The following ZNHIT6 variants were observed in gnomAD, a reference collection of about 807,000 sequenced individuals.
The protein encoded by ZNHIT6 is zinc finger HIT-type containing 6.
A neutral mutation model predicts 57.2 loss-of-function variants in ZNHIT6; 45 were observed. The observed-to-expected ratio is 0.79, with a 90% CI of 0.62 to 1.01. ZNHIT6 has a LOEUF of 1.01. Ranked by LOEUF, ZNHIT6 falls within the 50% of genes least tolerant of loss-of-function variation. ZNHIT6 has a pLI of 0.00. For missense variants in ZNHIT6, 528 were observed against 567.3 expected, an observed-to-expected ratio of 0.93 and a Z score of 0.70; for synonymous variants, 188 against 190.0, an observed-to-expected ratio of 0.99 and a Z score of 0.09.
At chr1:85,701,962 ACACG>A (rs948415155) in intron 5 of ZNHIT6, among the ~76,000 whole-genome samples, 191 bp downstream of exon 5, 15 of 130,240 alleles carry the variant, frequency 1.2e-4, no homozygotes, top group Admixed American at 2.3e-4. Context: ...ACACACACAC[ACACG>A]CACACACTGC....
At chr1:85,666,026 G>A (rs1661360354) in intron 8 of ZNHIT6, among the ~76,000 whole-genome samples, 1 of 152,174 alleles carries the variant, frequency 6.6e-6, no homozygotes, top group African/African-American at 2.4e-5. Context: ...ACTCAACTGT[G>A]TGCTTGTTCA....
At position 85,672,525 on chromosome 1, in the gene ZNHIT6, T is replaced by C. The variant is rs576221660; in HGVS notation, c.1247+4711A>G. On this transcript the variant is annotated intron_variant, in intron 8 of 9. Coordinates refer to ENST00000370574, the MANE Select transcript of ZNHIT6 (RefSeq NM_017953.4). ...TGTACCCTCTCCTAGTCATAGGCCA[T>C]TCACCTTTAATAAAAATCAAACATC... Among the ~76,000 whole-genome samples the C allele has an allele frequency of 5.0e-4, 76 of 152,292 alleles. 2 individuals carry two copies. The South Asian group carries it at 0.015, about 30-fold the overall frequency.
chr1:85,664,011 C>A (rs145575796), intron 8 of ZNHIT6, among the ~76,000 whole-genome samples: 1 of 152,250 alleles, frequency 6.6e-6, no homozygotes, highest in Non-Finnish European at 1.5e-5. Context: ...CTTGGAAAAT[C>A]TGACGATTAT....
chr1:85,654,082 G>T lies in ZNHIT6; in HGVS notation c.1389C>A (p.Thr463=). The T allele has an allele frequency of 6.2e-7, 1 of 1,611,796 alleles. No individual in the cohort carries two copies. ...KVLHQVKSES[T]KNVGNEN is the part of the protein sequence containing the mutation. ...CTCAATTTTCATTGCCAACGTTCTT[G>T]GTAGATTCACTCTTCACTAGAAAAA... Residue 463 remains threonine, a synonymous_variant, in exon 10 of 10, where the codon ACC becomes ACA. Coordinates refer to ENST00000370574, the MANE Select transcript of ZNHIT6 (RefSeq NM_017953.4).
chr1:85,682,178 A>T (rs1570311235), intron 5 of ZNHIT6, among the ~76,000 whole-genome samples: 2 of 130,186 alleles, frequency 1.5e-5, no homozygotes, highest in Admixed American at 7.9e-5. Context: ...CGCCCGGCTA[A>T]TTTTTTTTTT....
At chr1:85,705,425 AGGCT>A (rs1215030603) in intron 4 of ZNHIT6, among the ~76,000 whole-genome samples, 1 of 152,154 alleles carries the variant, frequency 6.6e-6, no homozygotes, top group Non-Finnish European at 1.5e-5. Context: ...CATGTTGCCC[AGGCT>A]GGTCTTGAAC....
chr1:85,672,622 A>G (rs1159794117), intron 8 of ZNHIT6, among the ~76,000 whole-genome samples: 1 of 152,166 alleles, frequency 6.6e-6, no homozygotes, highest in South Asian at 2.1e-4. Context: ...AGACTTAGAC[A>G]TAGGTTTCTT....
At chr1:85,698,788 C>T (rs1297096247) in intron 5 of ZNHIT6, among the ~76,000 whole-genome samples, 3 of 152,090 alleles carry the variant, frequency 2.0e-5, no homozygotes. Context: ...ATAAGGTAAA[C>T]ATTTATAGGT....
intron 5 of ZNHIT6, 94 bp downstream of exon 5, chr1:85,702,063 C>G: frequency 2.7e-6 from 2 of 748,666 alleles, no homozygotes; most frequent in Non-Finnish European, 4.4e-6. Flanking sequence ...TACAGAACCA[C>G]ACTTGGGGTA....
chr1:85,654,849 T>G (rs901297855), intron 9 of ZNHIT6, among the ~76,000 whole-genome samples: 3 of 152,198 alleles, frequency 2.0e-5, no homozygotes, highest in African/African-American at 7.2e-5. Flanking sequence ...AAATATAGGT[T>G]ATTTTGAGGC....
intron 5 of ZNHIT6, among the ~76,000 whole-genome samples, chr1:85,691,505 A>G (rs1387150105): frequency 1.3e-5 from 2 of 152,234 alleles, no homozygotes; most frequent in Non-Finnish European, 2.9e-5. Flanking sequence ...CCTCTGGCCA[A>G]TTGAGATATC....
intron 9 of ZNHIT6, among the ~76,000 whole-genome samples, chr1:85,657,434 A>G (rs971214040): frequency 1.3e-4 from 19 of 142,482 alleles, no homozygotes; most frequent in Non-Finnish European, 2.0e-4. Flanking sequence ...TTTTTTTTTA[A>G]CCATTCAACA....
At chr1:85,668,725 G>C (rs1217724360) in intron 8 of ZNHIT6, among the ~76,000 whole-genome samples, 2 of 152,062 alleles carry the variant, frequency 1.3e-5, no homozygotes, top group Non-Finnish European at 2.9e-5. Context: ...TCCATTTCTA[G>C]TTCAATTAGG....
rs1662743119 is a variant in ZNHIT6 at position 85,708,038 on chromosome 1, T to C, written c.247A>G (p.Ile83Val). 19 of 1,614,170 alleles carry C rather than the reference T, an allele frequency of 1.2e-5. No homozygotes were observed. In the East Asian group the frequency reaches 4.2e-4, roughly 36 times the overall value. The change falls in exon 1 of 10, where the codon ATA (isoleucine) becomes GTA (valine). Residue 83 changes from isoleucine (I) to valine (V), a missense_variant. Transcript: ENST00000370574. ...CTGCCTTCTGTACCTGGCCAGTCTA[T>C]AATTTCCTGCTTCACTACCGTTAGG... ...MDLTVVKQEI[I>V]DWPGTEGRLA...
rs181621484 is a variant in ZNHIT6 at position 85,659,747 on chromosome 1, G to A, written c.1248-1776C>T. On this transcript the variant is annotated intron_variant, in intron 8 of 9. Transcript: ENST00000370574. ...TGTTCTGAGTTTGTCTCACGCAATC[G>A]TTTTCAAATCAGGAAAAATATAAAA... 1.2e-4 allele frequency among the ~76,000 whole-genome samples: 19 copies of A among 152,274 alleles called. No homozygotes were observed. In the East Asian group the frequency reaches 2.9e-3, roughly 23 times the overall value.
chr1:85,669,772 G>C (rs1197970323), intron 8 of ZNHIT6, among the ~76,000 whole-genome samples: 3 of 152,216 alleles, frequency 2.0e-5, no homozygotes, highest in East Asian at 3.9e-4. Context: ...CCTCCACTGG[G>C]CACCTTTTAT....
At chr1:85,672,798 A>C (rs972294820) in intron 8 of ZNHIT6, among the ~76,000 whole-genome samples, 6 of 150,488 alleles carry the variant, frequency 4.0e-5, no homozygotes, top group South Asian at 4.2e-4. Context: ...TAAATCACAA[A>C]AAAAAAAAAA....
chr1:85,655,616 C>A (rs1393554519), intron 9 of ZNHIT6, among the ~76,000 whole-genome samples: 1 of 152,162 alleles, frequency 6.6e-6, no homozygotes, highest in East Asian at 1.9e-4. Flanking sequence ...GGGTTCCATT[C>A]TTTTTTCCTT....
At chr1:85,698,914 A>C (rs1662454312) in intron 5 of ZNHIT6, among the ~76,000 whole-genome samples, 1 of 152,110 alleles carries the variant, frequency 6.6e-6, no homozygotes, top group Non-Finnish European at 1.5e-5. Context: ...AGGGAATGTA[A>C]ATTTTCATTG....
Sources: gnomAD v4.1 joint callset for allele counts (sites outside exome capture counted in the v4.1 genomes callset) on GRCh38, gnomAD v4.1.1 for gene constraint, MANE v1.5 for transcripts, NCBI Gene and HGNC (gene_info 2026-07-23, HGNC 2026-07-21) for gene names.